CLSTN2: variants seen among roughly 807,000 people sequenced by gnomAD.
CLSTN2 encodes calsyntenin-2.
A neutral mutation model predicts 101.2 loss-of-function variants in CLSTN2; 48 were observed. That is an observed-to-expected ratio of 0.47 (90% CI 0.38 to 0.60). CLSTN2 has a LOEUF of 0.60. CLSTN2 is among the 20% of genes least tolerant of loss of function. The pLI is 0.00. For synonymous variants in CLSTN2, 481 were observed against 463.6 expected, an observed-to-expected ratio of 1.04 and a Z score of -0.48; for missense variants, 1,160 against 1,238.2, an observed-to-expected ratio of 0.94 and a Z score of 0.95.
rs534348480 is a variant in CLSTN2 at position 140,155,733 on chromosome 3, C to T, written c.110-20218C>T. On this transcript the variant is annotated intron_variant, in intron 1 of 16. Coordinates refer to ENST00000458420, the MANE Select transcript of CLSTN2 (RefSeq NM_022131.3). ...AACAAGTCTTCAATCTGGTTCATCA[C>T]ACACTTGCTTGCTGAGTGACCACTC... Among the ~76,000 whole-genome samples the T allele has an allele frequency of 1.4e-3, 214 of 152,310 alleles. 1 individual carries two copies. Among genetic ancestry groups the T allele is most frequent in the African/African-American group, 4.9e-3 (205 of 41,570 alleles).
At chr3:140,402,510 G>A (rs1199568874) in intron 2 of CLSTN2, among the ~76,000 whole-genome samples, 1 of 152,222 alleles carries the variant, frequency 6.6e-6, no homozygotes, top group Non-Finnish European at 1.5e-5. Context: ...GCCTGGTGCA[G>A]AGCAAGCATG....
At chr3:140,209,718 G>T (rs1449421309) in intron 2 of CLSTN2, among the ~76,000 whole-genome samples, 4 of 152,032 alleles carry the variant, frequency 2.6e-5, no homozygotes, top group African/African-American at 9.7e-5. Flanking sequence ...ACACCCCCCT[G>T]TACACCACTC....
Position 140,139,759 on chromosome 3 carries a change from C to T in CLSTN2, c.110-36192C>T, listed in dbSNP as rs558137220. On this transcript the variant is annotated intron_variant, in intron 1 of 16. Coordinates refer to ENST00000458420, the MANE Select transcript of CLSTN2 (RefSeq NM_022131.3). The stretch of plus-strand genomic sequence containing the variant: ...ATTACTCTGTGTAACAGCAACCACT[C>T]ACATTCTTATTGGACTAGATTGAAT... Among the ~76,000 whole-genome samples, 21 of 152,352 alleles carry T rather than the reference C, an allele frequency of 1.4e-4. No homozygotes were observed. In the South Asian group the frequency reaches 2.7e-3, roughly 20 times the overall value.
chr3:140,322,587 A>T (rs1027185870), intron 2 of CLSTN2, among the ~76,000 whole-genome samples: 3 of 152,200 alleles, frequency 2.0e-5, no homozygotes, highest in African/African-American at 4.8e-5. Flanking sequence ...AGAATAAGCC[A>T]TTTGCTTTTA....
chr3:140,562,113 A>T, intron 12 of CLSTN2, 25 bp from the exon 13 acceptor site: 1 of 1,610,280 alleles, frequency 6.2e-7, no homozygotes, highest in Non-Finnish European at 8.5e-7. Flanking sequence ...TCATGCCTGC[A>T]TTTCCCATGT....
At chr3:140,108,977 G>A (rs765933241) in intron 1 of CLSTN2, among the ~76,000 whole-genome samples, 1 of 152,186 alleles carries the variant, frequency 6.6e-6, no homozygotes, top group African/African-American at 2.4e-5. Flanking sequence ...TTTAAAGATA[G>A]GAAGGTGTGC....
intron 2 of CLSTN2, among the ~76,000 whole-genome samples, chr3:140,400,976 A>G (rs1433696911): frequency 6.6e-6 from 1 of 152,230 alleles, no homozygotes; most frequent in African/African-American, 2.4e-5. Flanking sequence ...CAGTGTACTC[A>G]TCACCATCAC....
intron 2 of CLSTN2, among the ~76,000 whole-genome samples, chr3:140,334,743 A>G (rs2087423860): frequency 6.6e-6 from 1 of 152,224 alleles, no homozygotes; most frequent in African/African-American, 2.4e-5. Flanking sequence ...TGGAGCGGAA[A>G]CAGAAGGTGG....
chr3:139,995,025 T>C (rs906707282), intron 1 of CLSTN2, among the ~76,000 whole-genome samples: 11 of 152,194 alleles, frequency 7.2e-5, no homozygotes, highest in Non-Finnish European at 1.3e-4. Flanking sequence ...CTCTCTGACA[T>C]TTGCTGGGGC....
chr3:140,566,175 G>A lies in CLSTN2; in HGVS notation c.2790G>A (p.Gly930=). The change falls in exon 17 of 17, where the codon GGG becomes GGA. Residue 930 remains glycine (G), a synonymous_variant. Transcript: ENST00000458420. ...GCGAAGAGGAGGAGGAGGAGGAAGG[G>A]ATGGGCAGAGGCAGACATGGGCAGA... ...DDSEEEEEEE[G]MGRGRHGQNG... is the part of the protein sequence containing the mutation. 6.2e-7 allele frequency: 1 copy of A among 1,611,652 alleles called. No homozygotes were observed. Among genetic ancestry groups the A allele is most frequent in the Non-Finnish European group, 8.5e-7 (1 of 1,178,894 alleles).
intron 8 of CLSTN2, among the ~76,000 whole-genome samples, chr3:140,487,138 C>T (rs1419398455): frequency 2.0e-5 from 3 of 152,084 alleles, no homozygotes; most frequent in East Asian, 3.9e-4. Flanking sequence ...TGATGATAGT[C>T]ATGGAAGTGA....
At chr3:139,955,451 C>T (rs1011582599) in intron 1 of CLSTN2, among the ~76,000 whole-genome samples, 5 of 152,070 alleles carry the variant, frequency 3.3e-5, no homozygotes, top group African/African-American at 9.7e-5. Context: ...CACAACTTAG[C>T]GAAACAGTGA....
At chr3:140,030,225 A>G (rs999882343) in intron 1 of CLSTN2, among the ~76,000 whole-genome samples, 6 of 152,142 alleles carry the variant, frequency 3.9e-5, no homozygotes, top group African/African-American at 1.2e-4. Flanking sequence ...CAACATGACA[A>G]CATCCTTTGC....
At chr3:139,987,045 C>T (rs559293018) in intron 1 of CLSTN2, among the ~76,000 whole-genome samples, 49 of 152,230 alleles carry the variant, frequency 3.2e-4, no homozygotes, top group Admixed American at 1.6e-3. Context: ...AAAAAATTCC[C>T]CTGGGCCTAT....
intron 2 of CLSTN2, among the ~76,000 whole-genome samples, chr3:140,340,879 G>A (rs1311083876): frequency 1.3e-5 from 2 of 152,184 alleles, no homozygotes; most frequent in Admixed American, 1.3e-4. Context: ...AAGTATACTG[G>A]TCAGGTATTT....
In CLSTN2 at chr3:140,428,958, A is replaced by C. The variant is rs547749507; in HGVS notation, c.787+7684A>C. 5.9e-5 allele frequency among the ~76,000 whole-genome samples: 9 copies of C among 152,152 alleles called. No individual in the cohort carries two copies. In the South Asian group the frequency reaches 1.7e-3, roughly 28 times the overall value. On this transcript the variant is annotated intron_variant, in intron 5 of 16. Coordinates refer to ENST00000458420, the MANE Select transcript of CLSTN2 (RefSeq NM_022131.3). ...GGTAAAATGCAGATCCCGATTTAAC[A>C]AGTCTGGGGTAGGTCTGGCTGCTTC... is the stretch of plus-strand genomic sequence containing the variant.
At chr3:140,381,069 A>T (rs1349528611) in intron 2 of CLSTN2, among the ~76,000 whole-genome samples, 1 of 152,200 alleles carries the variant, frequency 6.6e-6, no homozygotes, top group Non-Finnish European at 1.5e-5. Context: ...TGGCAGGGTC[A>T]TGCTGCCTCT....
Position 140,537,373 on chromosome 3 carries a change from T to C in CLSTN2, c.1507+4887T>C, listed in dbSNP as rs1186134572. 2.6e-5 allele frequency among the ~76,000 whole-genome samples: 4 copies of C among 152,026 alleles called. No individual in the cohort carries two copies. The East Asian group carries it at 7.7e-4, about 29-fold the overall frequency. ...CTGAGACTTCATTTCCATTAGTATT[T>C]ATTCTAGCAATGAAAAAAAAATGGG... On this transcript the variant is annotated intron_variant, in intron 9 of 16. Coordinates refer to ENST00000458420, the MANE Select transcript of CLSTN2 (RefSeq NM_022131.3).
chr3:140,249,110 C>T (rs766968100), intron 2 of CLSTN2, among the ~76,000 whole-genome samples: 3 of 152,146 alleles, frequency 2.0e-5, no homozygotes, highest in Non-Finnish European at 2.9e-5. Context: ...AACCCTATGA[C>T]TACTGGAGCC....
Sources: gnomAD v4.1 joint callset for allele counts (sites outside exome capture counted in the v4.1 genomes callset) on GRCh38, gnomAD v4.1.1 for gene constraint, MANE v1.5 for transcripts, NCBI Gene and HGNC (gene_info 2026-07-23, HGNC 2026-07-21) for gene names.